Variants in SLC5A4 observed in about 807,000 individuals in gnomAD.
The protein encoded by SLC5A4 is solute carrier family 5 member 4, also known as probable glucose sensor protein SLC5A4.
In SLC5A4, 55 loss-of-function variants were observed where a neutral mutation model predicts 70.3. That is an observed-to-expected ratio of 0.78 (90% CI 0.63 to 0.98). The LOEUF is 0.98. SLC5A4 is among the 50% of genes least tolerant of loss of function. The pLI is 0.00. For missense variants in SLC5A4, 735 were observed against 839.2 expected (o/e 0.88, Z 1.53); for synonymous variants, 268 against 305.7 (o/e 0.88, Z 1.29).
the SLC5A4 span, among the ~76,000 whole-genome samples, chr22:32,290,854 T>C: frequency 6.6e-6 from 1 of 152,118 alleles, no homozygotes; most frequent in Non-Finnish European, 1.5e-5. Context: ...TTCATGAGGG[T>C]TCCATCCTCA....
upstream of SLC5A4, chr22:32,255,408 GGT>G (rs1927427255): frequency 2.7e-6 from 4 of 1,502,268 alleles, no homozygotes; most frequent in Non-Finnish European, 3.7e-6. Flanking sequence ...GCCTCAGGCA[GGT>G]GGGGCGAGAT....
At chr22:32,304,787 T>C in the SLC5A4 span, among the ~76,000 whole-genome samples, 1 of 152,338 alleles carries the variant, frequency 6.6e-6, no homozygotes, top group South Asian at 2.1e-4. Context: ...TGGTGTTGTA[T>C]CTAACAAGTC....
At chr22:32,264,512 A>C in the SLC5A4 span, among the ~76,000 whole-genome samples, 18 of 152,180 alleles carry the variant, frequency 1.2e-4, 1 homozygote, top group Admixed American at 1.1e-3. Context: ...TTAACGTTAC[A>C]GTAAGCCATG....
chr22:32,223,492 A>G (rs1265896165), intron 13 of SLC5A4, among the ~76,000 whole-genome samples: 1 of 152,212 alleles, frequency 6.6e-6, no homozygotes, highest in Non-Finnish European at 1.5e-5. Context: ...TGCCAAATTG[A>G]AAGGCAAAAA....
At chr22:32,304,456 CTTTTTT>C in the SLC5A4 span, among the ~76,000 whole-genome samples, 72,484 of 151,680 alleles carry the variant, frequency 0.48, 17,449 homozygotes, top group Admixed American at 0.51. Flanking sequence ...TTTTCTTTTT[CTTTTTT>C]GAGACAGGGT....
chr22:32,259,158 G>A (rs1047926308), upstream of SLC5A4, among the ~76,000 whole-genome samples: 1 of 152,192 alleles, frequency 6.6e-6, no homozygotes, highest in African/African-American at 2.4e-5. Context: ...GTACACCATT[G>A]TACCTACAAT....
At chr22:32,312,780 G>C in the SLC5A4 span, among the ~76,000 whole-genome samples, 1 of 152,000 alleles carries the variant, frequency 6.6e-6, no homozygotes, top group South Asian at 2.1e-4. Flanking sequence ...GGGTATTTCA[G>C]ATCTCATCTC....
chr22:32,241,457 A>G, intron 5 of SLC5A4, among the ~76,000 whole-genome samples: 1 of 152,216 alleles, frequency 6.6e-6, no homozygotes, highest in East Asian at 1.9e-4. Context: ...GATGGAAGAG[A>G]ACTGCAAATA....
the SLC5A4 span, among the ~76,000 whole-genome samples, chr22:32,346,370 T>C: frequency 1.3e-5 from 2 of 152,182 alleles, no homozygotes; most frequent in East Asian, 1.9e-4. Flanking sequence ...AGTTCATATG[T>C]AACCAAAAAA....
chr22:32,281,815 C>A, the SLC5A4 span, among the ~76,000 whole-genome samples: 1 of 151,412 alleles, frequency 6.6e-6, no homozygotes. Context: ...CAAAAGCAGT[C>A]TTGATCTCTA....
chr22:32,307,140 TAC>T, the SLC5A4 span, among the ~76,000 whole-genome samples: 4 of 139,102 alleles, frequency 2.9e-5, no homozygotes, highest in Non-Finnish European at 6.2e-5. Context: ...CCATTTATGG[TAC>T]AGTGTCGTGA....
At chr22:32,231,943 C>A (rs538203202) in intron 9 of SLC5A4, among the ~76,000 whole-genome samples, 1 of 152,044 alleles carries the variant, frequency 6.6e-6, no homozygotes, top group East Asian at 1.9e-4. Context: ...TGCAATGGTG[C>A]AATCATAGTT....
At chr22:32,248,911 A>T in intron 3 of SLC5A4, 109 bp from the exon 4 acceptor site, 4 of 727,072 alleles carry the variant, frequency 5.5e-6, no homozygotes, top group Non-Finnish European at 9.8e-6. Flanking sequence ...AGTTGGCTCA[A>T]TCCTGTCCCA....
chr22:32,284,911 A>G, the SLC5A4 span: 2 of 152,298 alleles, frequency 1.3e-5, no homozygotes, highest in East Asian at 3.9e-4. Context: ...GTTTTCTTCC[A>G]GGTTGACTAA....
the SLC5A4 span, among the ~76,000 whole-genome samples, chr22:32,309,244 A>G: frequency 6.6e-6 from 1 of 152,198 alleles, no homozygotes. Context: ...CACAGATGAG[A>G]GGGAAAGCAT....
the SLC5A4 span, among the ~76,000 whole-genome samples, chr22:32,309,279 G>C: frequency 1.3e-5 from 2 of 152,206 alleles, no homozygotes; most frequent in South Asian, 2.1e-4. Context: ...ATCACACACA[G>C]TTCCCAGTGA....
At chr22:32,260,825 C>T in the SLC5A4 span, among the ~76,000 whole-genome samples, 2 of 152,186 alleles carry the variant, frequency 1.3e-5, no homozygotes, top group Non-Finnish European at 2.9e-5. Flanking sequence ...GTAATCCCAA[C>T]ACTTTGGGAG....
the SLC5A4 span, among the ~76,000 whole-genome samples, chr22:32,308,225 G>C: frequency 6.6e-6 from 1 of 152,150 alleles, no homozygotes; most frequent in Non-Finnish European, 1.5e-5. Flanking sequence ...GGCTCTTCCT[G>C]TTGATGGGGA....
At chr22:32,354,249 A>G in the SLC5A4 span, among the ~76,000 whole-genome samples, 1 of 129,312 alleles carries the variant, frequency 7.7e-6, no homozygotes, top group Non-Finnish European at 1.6e-5. Context: ...AAATCCTGCT[A>G]TCTCTGTCTC....
Sources: gnomAD v4.1 joint callset for allele counts (sites outside exome capture counted in the v4.1 genomes callset) on GRCh38, gnomAD v4.1.1 for gene constraint, MANE v1.5 for transcripts, NCBI Gene and HGNC (gene_info 2026-07-23, HGNC 2026-07-21) for gene names.